The following COL16A1 variants were observed in gnomAD, a reference collection of about 807,000 sequenced individuals.
COL16A1 encodes the protein collagen type XVI alpha 1 chain.
A neutral mutation model predicts 266.3 loss-of-function variants in COL16A1; 189 were observed. The observed-to-expected ratio is 0.71, with a 90% CI of 0.63 to 0.80. The LOEUF is 0.80. Ranked by LOEUF, COL16A1 falls within the 30% of genes least tolerant of loss-of-function variation. The pLI, the probability that COL16A1 is intolerant of heterozygous loss-of-function variation, is 0.00. For missense variants in COL16A1, 1,928 were observed against 2,122.4 expected (o/e 0.91, Z 1.80); for synonymous variants, 740 against 782.3 (o/e 0.95, Z 0.90).
In COL16A1 at chr1:31,671,637, G is replaced by A; in HGVS notation, c.3128C>T (p.Ser1043Phe). Residue 1043 changes from serine to phenylalanine, a missense_variant, in exon 48 of 71, where the codon TCC becomes TTC. Coordinates refer to ENST00000373672, the MANE Select transcript of COL16A1 (RefSeq NM_001856.4). ...GEEGPPGMRG[S>F]PGPPGPIGPP... ...TACGATAGGGCCTGGAGGACCCGGGGAGCCCCTCATGCCAGGCGGACCCTG... is the reference window on the plus strand; with the variant it reads ...TACGATAGGGCCTGGAGGACCCGGGAAGCCCCTCATGCCAGGCGGACCCTG... The A allele has an allele frequency of 6.2e-7, 1 of 1,614,074 alleles. No individual in the cohort carries two copies. Among genetic ancestry groups the A allele is most frequent in the Non-Finnish European group, 8.5e-7 (1 of 1,180,008 alleles).
chr1:31,697,864 C>A lies in COL16A1; in HGVS notation c.657+42G>T, dbSNP rs1351269669. The A allele has an allele frequency of 1.3e-6, 2 of 1,553,216 alleles. No homozygotes were observed. The highest frequency in any genetic ancestry group is 1.9e-5 in the Admixed American group (1 of 51,502). ...ATTCCAGGAAGCCCACTCAGGTTCC[C>A]AGAAGGCAGGAACAGAGGTCAGGGC... On this transcript the variant is annotated intron_variant, in intron 6 of 70. Coordinates refer to ENST00000373672, the MANE Select transcript of COL16A1 (RefSeq NM_001856.4). This position sits in a 1 kb window ranked among gnomAD's most constrained non-coding sequence, Gnocchi z 4.2.
At chr1:31,653,345 C>A in intron 70 of COL16A1, 1 of 424,712 alleles carries the variant, frequency 2.4e-6, no homozygotes, top group South Asian at 4.0e-5. Flanking sequence ...AGTTCCTCAT[C>A]CCCACCTCCA....
chr1:31,658,395 T>A lies in COL16A1; in HGVS notation c.4020+93A>T, dbSNP rs991445643. 7.2e-6 allele frequency: 8 copies of A among 1,107,074 alleles called. No individual in the cohort carries two copies. In the African/African-American group the frequency reaches 1.3e-4, roughly 17 times the overall value. The allele number at this position is 1,107,074 out of a possible 1,614,324, so 68.6% of individuals were successfully genotyped here. A position where few individuals can be genotyped will look rare whatever the true frequency, so the allele number is the denominator to read the frequency against. ...TGCCATGCTGACAGCCTCTCCTTCC[T>A]TAGAGACCCCAGATATGTTGTGCTG... On this transcript the variant is annotated intron_variant, in intron 64 of 70. Transcript: ENST00000373672.
intron 52 of COL16A1, among the ~76,000 whole-genome samples, chr1:31,666,864 TC>T (rs1233634500): frequency 6.6e-6 from 1 of 152,180 alleles, no homozygotes; most frequent in Non-Finnish European, 1.5e-5. Flanking sequence ...TCCTCATCGT[TC>T]CTAGGCACTT....
chr1:31,698,718 T>A lies in COL16A1; in HGVS notation c.267-112A>T. On this transcript the variant is annotated intron_variant, in intron 4 of 70. Coordinates refer to ENST00000373672, the MANE Select transcript of COL16A1 (RefSeq NM_001856.4). This position sits in a 1 kb window ranked among gnomAD's most constrained non-coding sequence, Gnocchi z 4.1. ...CCCAAGACATCCACAGGCACACATC[T>A]TCCATCATATACATTCATTCACTCT... 1 of 1,490,766 alleles carries A rather than the reference T, an allele frequency of 6.7e-7. No homozygotes were observed. Among genetic ancestry groups the A allele is most frequent in the African/African-American group, 1.4e-5 (1 of 72,014 alleles). The allele number at this position is 1,490,766 out of a possible 1,614,324, so 92.3% of individuals were successfully genotyped here. A position where few individuals can be genotyped will look rare whatever the true frequency, so the allele number is the denominator to read the frequency against.
At position 31,685,506 on chromosome 1, in the gene COL16A1, C is replaced by T. The variant is rs1643922971; in HGVS notation, c.2016+133G>A. 10 of 1,141,178 alleles carry T rather than the reference C, an allele frequency of 8.8e-6. No individual in the cohort carries two copies. Among genetic ancestry groups the T allele is most frequent in the Non-Finnish European group, 3.8e-6 (3 of 794,434 alleles). The allele number at this position is 1,141,178 out of a possible 1,614,324, so 70.7% of individuals were successfully genotyped here. A position where few individuals can be genotyped will look rare whatever the true frequency, so the allele number is the denominator to read the frequency against. On this transcript the variant is annotated intron_variant, in intron 29 of 70. Transcript: ENST00000373672. This position sits in a 1 kb window ranked among gnomAD's most constrained non-coding sequence, Gnocchi z 4.0. ...GGGCCGCTCCTGCTGGAGACAGAGG[C>T]TCTGACCCCGCCACACCCTCCCCAC...
At position 31,662,362 on chromosome 1, in the gene COL16A1, TC is replaced by T; in HGVS notation, c.3652del (p.Asp1218MetfsTer9). ...IQGPAGLDGL[D>X]GKDGKPGLRG... ...CAAGCCAGGCTTGCCGTCCTTCCCATCCAAACCATCCAGACCGGCGGGGCCC... is the reference window on the plus strand; with the variant it reads ...CAAGCCAGGCTTGCCGTCCTTCCCATCAAACCATCCAGACCGGCGGGGCCC... On this transcript the variant is annotated frameshift_variant, in exon 58 of 71. Transcript: ENST00000373672. LOFTEE classifies it high-confidence loss of function. 1 of 1,451,166 alleles carries T rather than the reference TC, an allele frequency of 6.9e-7. No individual in the cohort carries two copies. The highest frequency in any genetic ancestry group is 9.3e-7 in the Non-Finnish European group (1 of 1,073,030). 89.9% of individuals were successfully genotyped at this position (1,451,166 alleles called of 1,614,324 possible).
At chr1:31,692,405 C>T (rs764674088) in intron 16 of COL16A1, 69 bp downstream of exon 16, 7 of 1,556,848 alleles carry the variant, frequency 4.5e-6, no homozygotes, top group Non-Finnish European at 6.1e-6. Flanking sequence ...ACCCCGACTC[C>T]TCCTTCCTCA....
intron 41 of COL16A1, 48 bp downstream of exon 41, chr1:31,679,756 T>G: frequency 6.3e-7 from 1 of 1,598,250 alleles, no homozygotes. Context: ...CTGTTTAGGG[T>G]GGACAAGCCG....
chr1:31,678,480 G>C (rs1005392330), intron 42 of COL16A1, among the ~76,000 whole-genome samples: 7 of 152,162 alleles, frequency 4.6e-5, no homozygotes, highest in African/African-American at 1.7e-4. Flanking sequence ...CTAGTCGGGC[G>C]GCCTTAGACA....
rs1162110828 is a variant in COL16A1 at position 31,685,766 on chromosome 1, T to TC, written c.1888dup (p.Glu630GlyfsTer4). On this transcript the variant is annotated frameshift_variant, in exon 29 of 71. Transcript: ENST00000373672. LOFTEE classifies it high-confidence loss of function. The surrounding 1 kb of genome is among the most constrained non-coding windows in gnomAD (Gnocchi z 4.0). ...CAGGGCTGGGCACGGCTCACAGGGC[T>TC]CCCCCTGCCAAGCAAGGACATTGAG... 2 of 1,613,442 alleles carry TC rather than the reference T, an allele frequency of 1.2e-6. No homozygotes were observed. The highest frequency in any genetic ancestry group is 1.7e-6 in the Non-Finnish European group (2 of 1,179,798).
chr1:31,698,220 G>A lies in COL16A1; in HGVS notation c.391-48C>T, dbSNP rs932547035. The A allele has an allele frequency of 3.9e-5, 63 of 1,605,442 alleles. No homozygotes were observed. Among genetic ancestry groups the A allele is most frequent in the Non-Finnish European group, 5.2e-5 (61 of 1,175,258 alleles). ...AAGGACAGAGATTCAGAGCTCCAGA[G>A]TCACACCATGGGCACGTTCAGGGAC... On this transcript the variant is annotated intron_variant, in intron 5 of 70. Coordinates refer to ENST00000373672, the MANE Select transcript of COL16A1 (RefSeq NM_001856.4). This position sits in a 1 kb window ranked among gnomAD's most constrained non-coding sequence, Gnocchi z 4.1.
chr1:31,671,630 A>G lies in COL16A1; in HGVS notation c.3135T>C (p.Gly1045=). ...EGPPGMRGSP[G]PPGPIGPPGF... is the part of the protein sequence containing the mutation. ...TGATACTTACGATAGGGCCTGGAGG[A>G]CCCGGGGAGCCCCTCATGCCAGGCG... is the stretch of plus-strand genomic sequence containing the variant. The change falls in exon 48 of 71, where the codon GGT becomes GGC. Residue 1045 remains glycine, a synonymous_variant. Coordinates refer to ENST00000373672, the MANE Select transcript of COL16A1 (RefSeq NM_001856.4). 1 of 1,613,962 alleles carries G rather than the reference A, an allele frequency of 6.2e-7. No homozygotes were observed. The highest frequency in any genetic ancestry group is 8.5e-7 in the Non-Finnish European group (1 of 1,179,980).
rs1570340389 is a variant in COL16A1, at chr1:31,656,782, A to G, written c.4056+251T>C. On this transcript the variant is annotated intron_variant, in intron 65 of 70. Coordinates refer to ENST00000373672, the MANE Select transcript of COL16A1 (RefSeq NM_001856.4). This position sits in a 1 kb window ranked among gnomAD's most constrained non-coding sequence, Gnocchi z 4.2. ...TTTGGAATTTATTATTATCATTATT[A>G]TTGTTGTTGTTGTTGTTTCTTTTTG... is the stretch of plus-strand genomic sequence containing the variant. 4 of 554,658 alleles carry G rather than the reference A, an allele frequency of 7.2e-6. No individual in the cohort carries two copies. Among genetic ancestry groups the G allele is most frequent in the Non-Finnish European group, 9.4e-6 (3 of 319,924 alleles). The allele number at this position is 554,658 out of a possible 1,614,324, so 34.4% of individuals were successfully genotyped here.
chr1:31,677,662 A>C (rs1239730461), intron 42 of COL16A1, among the ~76,000 whole-genome samples: 1 of 152,240 alleles, frequency 6.6e-6, no homozygotes, highest in Non-Finnish European at 1.5e-5. Context: ...ATAACTAAGC[A>C]CTGGGACAAT....
At chr1:31,684,779 A>G in intron 30 of COL16A1, 42 bp downstream of exon 30, 1 of 1,613,920 alleles carries the variant, frequency 6.2e-7, no homozygotes, top group Non-Finnish European at 8.5e-7. Context: ...GGGATCTGAG[A>G]TGATGCCATG....
rs776754150 is a variant in COL16A1, at chr1:31,656,373, T to C, written c.4101+27A>G. ...GCTTCATCCACTCGTGAGCTTCTCC[T>C]CTCAAGCCCAGCCAGTGCCCACTCA... On this transcript the variant is annotated intron_variant, in intron 66 of 70. Coordinates refer to ENST00000373672, the MANE Select transcript of COL16A1 (RefSeq NM_001856.4). The surrounding 1 kb of genome is among the most constrained non-coding windows in gnomAD (Gnocchi z 4.2). The C allele has an allele frequency of 1.2e-6, 2 of 1,612,772 alleles. No individual in the cohort carries two copies. Among genetic ancestry groups the C allele is most frequent in the East Asian group, 4.5e-5 (2 of 44,866 alleles).
intron 70 of COL16A1, among the ~76,000 whole-genome samples, chr1:31,653,256 G>T (rs1260847843): frequency 1.3e-5 from 2 of 152,186 alleles, no homozygotes; most frequent in East Asian, 3.9e-4. Context: ...AACATTCATC[G>T]TAGAGAGCAC....
rs2148755797 is a variant in COL16A1 at position 31,681,074 on chromosome 1, A to G, written c.2539-7T>C. On this transcript the variant is annotated splice_region_variant and splice_polypyrimidine_tract_variant and intron_variant, in intron 37 of 70. Transcript: ENST00000373672. ...CTTGCTGCCCATCACGGCCCTGAAG[A>G]GAGAGAGCCCAGAGTCAGAGGGTGA... 1 of 1,610,752 alleles carries G rather than the reference A, an allele frequency of 6.2e-7. No homozygotes were observed. Among genetic ancestry groups the G allele is most frequent in the African/African-American group, 1.3e-5 (1 of 74,960 alleles).
Sources: allele counts gnomAD v4.1 joint callset (sites outside exome capture counted in the v4.1 genomes callset), GRCh38; gene constraint gnomAD v4.1.1; non-coding constraint Gnocchi (gnomAD v3.1); transcripts MANE v1.5; gene names NCBI Gene and HGNC (gene_info 2026-07-23, HGNC 2026-07-21).